Variants in ATE1 observed in about 807,000 individuals in gnomAD.
ATE1 encodes arginyl-tRNA--protein transferase 1.
A neutral mutation model predicts 70.5 loss-of-function variants in ATE1; 36 were observed. The ratio of observed to expected loss-of-function variants is 0.51; its 90% confidence interval spans 0.39 to 0.67. The LOEUF (loss-of-function observed/expected upper bound fraction) is 0.67, where lower values mean the gene tolerates loss of function less well. Ranked by LOEUF, ATE1 falls within the 30% of genes least tolerant of loss-of-function variation. The probability of loss-of-function intolerance (pLI) is 0.00; values close to 1 mark genes in which losing one functional copy is unlikely to be tolerated. For missense variants in ATE1, 593 were observed against 629.5 expected (o/e 0.94, Z 0.62); for synonymous variants, 232 against 219.3 (o/e 1.06, Z -0.51).
intron 9 of ATE1, among the ~76,000 whole-genome samples, chr10:121,838,834 A>G (rs1948524943): frequency 1.3e-5 from 2 of 152,202 alleles, no homozygotes; most frequent in Admixed American, 6.5e-5. Context: ...GGATAAGCAG[A>G]GGCTGATTAC....
intron 3 of ATE1, 97 bp downstream of exon 3, chr10:121,922,252 G>T: frequency 1.2e-6 from 1 of 803,466 alleles, no homozygotes; most frequent in South Asian, 1.6e-5. Context: ...CATCTACCTA[G>T]AGCGGAAATA....
At chr10:121,748,031 CA>C (rs1266517850) in intron 11 of ATE1, among the ~76,000 whole-genome samples, 1 of 152,126 alleles carries the variant, frequency 6.6e-6, no homozygotes, top group Non-Finnish European at 1.5e-5. Context: ...GTGAGATCAG[CA>C]AGTGAAAAAG....
chr10:121,874,092 T>C (rs757946199), intron 7 of ATE1, among the ~76,000 whole-genome samples: 6 of 152,206 alleles, frequency 3.9e-5, no homozygotes, highest in Non-Finnish European at 8.8e-5. Flanking sequence ...GGTCTGATTA[T>C]TTTAGATTAT....
chr10:121,833,834 T>C (rs752485555), intron 10 of ATE1, among the ~76,000 whole-genome samples: 2 of 152,178 alleles, frequency 1.3e-5, no homozygotes, highest in African/African-American at 2.4e-5. Context: ...ATTATCTTTC[T>C]AGTTCCTCAT....
chr10:121,826,471 A>C (rs139638001), intron 10 of ATE1, among the ~76,000 whole-genome samples: 15 of 152,132 alleles, frequency 9.9e-5, no homozygotes, highest in African/African-American at 3.4e-4. Flanking sequence ...ACATCCACTA[A>C]ACGTTTTTGC....
intron 9 of ATE1, among the ~76,000 whole-genome samples, chr10:121,839,668 TAA>T (rs1172566765): frequency 6.6e-6 from 1 of 152,114 alleles, no homozygotes. Context: ...TACATAAGAA[TAA>T]AAAGACTGTT....
At chr10:121,771,467 T>A (rs1259673683) in intron 11 of ATE1, among the ~76,000 whole-genome samples, 1 of 152,208 alleles carries the variant, frequency 6.6e-6, no homozygotes, top group Non-Finnish European at 1.5e-5. Flanking sequence ...AGGGAGTACT[T>A]ATCTAGGAAG....
intron 3 of ATE1, among the ~76,000 whole-genome samples, chr10:121,915,637 C>G (rs756337794): frequency 6.6e-6 from 1 of 152,062 alleles, no homozygotes; most frequent in Non-Finnish European, 1.5e-5. Flanking sequence ...CACCTGTAAT[C>G]CCAGCACTTT....
chr10:121,783,345 A>C lies in ATE1; in HGVS notation c.1378+6824T>G, dbSNP rs73362421. On this transcript the variant is annotated intron_variant, in intron 11 of 11. Transcript: ENST00000224652. Reference sequence around the variant, plus strand: ...ATATTATGTTTAATGCTTAGAATTAAGATGTCATAAAGCTCCTTAAAATAG... The same window carrying C: ...ATATTATGTTTAATGCTTAGAATTACGATGTCATAAAGCTCCTTAAAATAG... 8.7e-3 allele frequency among the ~76,000 whole-genome samples: 1,329 copies of C among 152,324 alleles called. 24 individuals are homozygous for C. The highest frequency in any genetic ancestry group is 0.04 in the East Asian group (209 of 5,184).
intron 8 of ATE1, among the ~76,000 whole-genome samples, chr10:121,851,223 C>T (rs188477995): frequency 5.8e-4 from 88 of 151,392 alleles, no homozygotes; most frequent in African/African-American, 2.0e-3. Context: ...AGTTTGAGAC[C>T]AGCCTGGCAA....
intron 11 of ATE1, among the ~76,000 whole-genome samples, chr10:121,749,314 G>T (rs901239349): frequency 6.6e-6 from 1 of 152,084 alleles, no homozygotes; most frequent in Admixed American, 6.6e-5. Flanking sequence ...AACCAAGAAG[G>T]TATACTCAGA....
Position 121,743,846 on chromosome 10 carries a change from C to A in ATE1, c.1391G>T (p.Arg464Leu), listed in dbSNP as rs749513221. The A allele has an allele frequency of 3.1e-6, 5 of 1,605,174 alleles. No homozygotes were observed. The highest frequency in any genetic ancestry group is 1.3e-5 in the African/African-American group (1 of 74,232). ...NQDPEAVDED[R>L]STEPDRLQVF... Reference sequence around the variant, plus strand: ...CTGCAATCGGTCAGGTTCCGTACTGCGATCCTCATCCACTGCAACGACAAA... The same window carrying A: ...CTGCAATCGGTCAGGTTCCGTACTGAGATCCTCATCCACTGCAACGACAAA... Residue 464 changes from arginine to leucine, a missense_variant, in exon 12 of 12, where the codon CGC (arginine) becomes CTC (leucine). Physicochemically the swap from Arg to Leu is moderately radical, Grantham distance 102. This residue lies in a region of ATE1 where 90 missense variants were observed against 93.7 expected (regional missense o/e 0.96). Transcript: ENST00000224652.
intron 11 of ATE1, among the ~76,000 whole-genome samples, chr10:121,753,294 C>T (rs1314647691): frequency 6.6e-6 from 1 of 152,006 alleles, no homozygotes; most frequent in Non-Finnish European, 1.5e-5. Context: ...ATCTGAATGC[C>T]TTTTATTTCA....
At chr10:121,782,849 A>G (rs1946051918) in intron 11 of ATE1, 1 of 152,314 alleles carries the variant, frequency 6.6e-6, no homozygotes, top group African/African-American at 2.4e-5. Context: ...CTCCCATTCT[A>G]CATCTTCCTC....
intron 11 of ATE1, among the ~76,000 whole-genome samples, chr10:121,756,962 T>A (rs1347602827): frequency 6.6e-6 from 1 of 152,174 alleles, no homozygotes; most frequent in Non-Finnish European, 1.5e-5. Context: ...CCTCAGAAAA[T>A]GGGATTTTCT....
At chr10:121,835,546 G>A (rs1590432504) in intron 10 of ATE1, among the ~76,000 whole-genome samples, 1 of 151,930 alleles carries the variant, frequency 6.6e-6, no homozygotes, top group Non-Finnish European at 1.5e-5. Context: ...CAAATATAAT[G>A]TATGAACCTT....
chr10:121,899,884 A>T lies in ATE1; in HGVS notation c.924T>A (p.Asp308Glu), dbSNP rs1056846302. 2 of 1,612,604 alleles carry T rather than the reference A, an allele frequency of 1.2e-6. No homozygotes were observed. Among genetic ancestry groups the T allele is most frequent in the African/African-American group, 2.7e-5 (2 of 74,932 alleles). ...TGCTGACCTGGCTTTCGGTTGGCGTATCAGGTGGGTTCTTGTGAATAACCA... is the reference window on the plus strand; with the variant it reads ...TGCTGACCTGGCTTTCGGTTGGCGTTTCAGGTGGGTTCTTGTGAATAACCA... Reference protein sequence around the residue: ...YQMVIHKNPPDTPTESQFTRF... With the variant: ...YQMVIHKNPPETPTESQFTRF... Residue 308 changes from aspartate (D) to glutamate (E), a missense_variant, in exon 7 of 12, where the codon GAT (aspartate) becomes GAA (glutamate). Physicochemically the swap from Asp to Glu is conservative, Grantham distance 45. Coordinates refer to ENST00000224652, the MANE Select transcript of ATE1 (RefSeq NM_001001976.3).
chr10:121,750,577 T>C (rs1355189339), intron 11 of ATE1, among the ~76,000 whole-genome samples: 2 of 152,202 alleles, frequency 1.3e-5, no homozygotes, highest in Non-Finnish European at 2.9e-5. Flanking sequence ...AAATGCACAA[T>C]ACAGGTGCTT....
chr10:121,801,550 TA>T lies in ATE1; in HGVS notation c.1258-11262del, dbSNP rs555433642. The stretch of plus-strand genomic sequence containing the variant: ...GAATGAAAGATGAAGACAAAGAAGA[TA>T]ATATAAAGAGAGAAAGAAAAACTCT... On this transcript the variant is annotated intron_variant, in intron 10 of 11. Coordinates refer to ENST00000224652, the MANE Select transcript of ATE1 (RefSeq NM_001001976.3). 3.4e-4 allele frequency among the ~76,000 whole-genome samples: 52 copies of T among 151,304 alleles called. No individual in the cohort carries two copies. The South Asian group carries it at 7.7e-3, about 22-fold the overall frequency.
Sources: gnomAD v4.1 joint callset for allele counts (sites outside exome capture counted in the v4.1 genomes callset) on GRCh38, gnomAD v4.1.1 for gene constraint, gnomAD v4.1.1 regional missense constraint, MANE v1.5 for transcripts, NCBI Gene and HGNC (gene_info 2026-07-23, HGNC 2026-07-21) for gene names.